The following COL5A3 variants were observed in gnomAD, a reference collection of about 807,000 sequenced individuals.
COL5A3 encodes collagen alpha-3(V) chain.
COL5A3 carries 172 observed loss-of-function variants against 250.0 expected under a neutral mutation model. The observed-to-expected ratio is 0.69, with a 90% CI of 0.61 to 0.78. The LOEUF is 0.78. Among genes scored for constraint, COL5A3 ranks in the 30% least tolerant of loss-of-function variants. COL5A3 has a pLI of 0.00. For synonymous variants in COL5A3, 937 were observed against 900.4 expected, an observed-to-expected ratio of 1.04 and a Z score of -0.73; for missense variants, 2,340 against 2,334.4, an observed-to-expected ratio of 1.00 and a Z score of -0.05.
intron 6 of COL5A3, among the ~76,000 whole-genome samples, chr19:10,003,071 A>C (rs2087387758): frequency 6.6e-6 from 1 of 152,110 alleles, no homozygotes; most frequent in Non-Finnish European, 1.5e-5. Flanking sequence ...ATTCCCCACT[A>C]TCCAGCAATC....
Position 9,997,440 on chromosome 19 carries a change from G to C in COL5A3, c.1201-7C>G. The C allele has an allele frequency of 6.3e-7, 1 of 1,595,944 alleles. No homozygotes were observed. The highest frequency in any genetic ancestry group is 8.5e-7 in the Non-Finnish European group (1 of 1,170,980). ...CTGAGGGGCCAACCACCCCCTGTTG[G>C]GGACAGAGAAACAGGAGTCACAGGA... On this transcript the variant is annotated splice_polypyrimidine_tract_variant and splice_region_variant and intron_variant, in intron 10 of 66. Coordinates refer to ENST00000264828, the MANE Select transcript of COL5A3 (RefSeq NM_015719.4).
In COL5A3 at chr19:10,001,892, G is replaced by T; in HGVS notation, c.850-11C>A. 6.3e-7 allele frequency: 1 copy of T among 1,597,732 alleles called. No individual in the cohort carries two copies. The highest frequency in any genetic ancestry group is 8.6e-7 in the Non-Finnish European group (1 of 1,165,492). ...GATGTCAGTGGAGGTCTGGAGCAGG[G>T]ATGGAGGGAGCCTTGGGTCTCGGGT... On this transcript the variant is annotated splice_polypyrimidine_tract_variant and intron_variant, in intron 6 of 66. Coordinates refer to ENST00000264828, the MANE Select transcript of COL5A3 (RefSeq NM_015719.4).
Position 9,977,174 on chromosome 19 carries a change from C to T in COL5A3, c.3288+55G>A, listed in dbSNP as rs1599542692. 31 of 1,552,146 alleles carry T rather than the reference C, an allele frequency of 2.0e-5. No individual in the cohort carries two copies. In the East Asian group the frequency reaches 6.5e-4, roughly 33 times the overall value. ...GGAGAATGATCTCTACATCCCTGGC[C>T]TCCTCTTTCTTCCGCTACCCACCCC... On this transcript the variant is annotated intron_variant, in intron 44 of 66. Coordinates refer to ENST00000264828, the MANE Select transcript of COL5A3 (RefSeq NM_015719.4).
At chr19:9,983,831 G>T (rs796331731) in intron 31 of COL5A3, among the ~76,000 whole-genome samples, 3 of 145,724 alleles carry the variant, frequency 2.1e-5, no homozygotes, top group South Asian at 2.3e-4. Context: ...AAGCTTCAAA[G>T]TTTTTTTCTC....
chr19:9,966,488 C>G (rs765731246), intron 63 of COL5A3, 48 bp downstream of exon 63: 4 of 1,556,960 alleles, frequency 2.6e-6, no homozygotes, highest in Non-Finnish European at 2.6e-6. Flanking sequence ...CCAACCCCCC[C>G]CACACCCCCA....
At chr19:9,963,564 G>GC (rs1359404535) in intron 64 of COL5A3, among the ~76,000 whole-genome samples, 1 of 126,408 alleles carries the variant, frequency 7.9e-6, no homozygotes, top group Non-Finnish European at 1.7e-5. Context: ...TTTTTTTTGG[G>GC]GGGGGGGGCG....
At chr19:10,003,735 A>T (rs772666167) in intron 5 of COL5A3, 21 bp from the exon 6 acceptor site, 2 of 1,613,552 alleles carry the variant, frequency 1.2e-6, no homozygotes, top group South Asian at 2.2e-5. Flanking sequence ...GGTTCCAGTC[A>T]GGTCTAGAGC....
chr19:10,010,314 C>T lies in COL5A3; in HGVS notation c.72G>A (p.Leu24=). The change falls in exon 1 of 67, where the codon CTG becomes CTA. Residue 24 remains leucine, a synonymous_variant. Transcript: ENST00000264828. ...LCLLLAALQL[L]PGTQADPVDV... is the part of the protein sequence containing the mutation. ...CCGGCTCACCGGCCTGCGTCCCCGG[C>T]AGAAGCTGCAGCGCGGCCAGGAGCA... 1 of 1,457,568 alleles carries T rather than the reference C, an allele frequency of 6.9e-7. No homozygotes were observed. Among genetic ancestry groups the T allele is most frequent in the Non-Finnish European group, 9.1e-7 (1 of 1,100,184 alleles). 90.3% of individuals were successfully genotyped at this position (1,457,568 alleles called of 1,614,324 possible).
At chr19:9,963,897 G>A (rs112581835) in intron 64 of COL5A3, among the ~76,000 whole-genome samples, 5,781 of 152,118 alleles carry the variant, frequency 0.038, 344 homozygotes, top group African/African-American at 0.13. Context: ...GGCCAGGCGC[G>A]GTGGCTCAAA....
intron 29 of COL5A3, 37 bp downstream of exon 29, chr19:9,986,516 C>CT (rs1568420918): frequency 6.2e-7 from 1 of 1,613,002 alleles, no homozygotes; most frequent in Admixed American, 1.7e-5. Context: ...CCCGAGCCCC[C>CT]AGACCCACAC....
intron 45 of COL5A3, among the ~76,000 whole-genome samples, chr19:9,976,144 G>C (rs1022957610): frequency 1.6e-4 from 24 of 152,012 alleles, no homozygotes; most frequent in African/African-American, 4.8e-5. Flanking sequence ...AGTTCACATT[G>C]GGTGTTGGCA....
At chr19:9,984,969 A>C (rs1032108548) in intron 31 of COL5A3, among the ~76,000 whole-genome samples, 8 of 57,938 alleles carry the variant, frequency 1.4e-4, no homozygotes, top group African/African-American at 6.6e-4. Context: ...TTTTTTTTTG[A>C]GATGGAATCT....
Position 9,968,039 on chromosome 19 carries a change from G to A in COL5A3, c.4355C>T (p.Pro1452Leu), listed in dbSNP as rs533616651. Residue 1452 changes from proline (P) to leucine (L), a missense_variant, in exon 60 of 67, where the codon CCC becomes CTC. Around this residue, in one of 3 missense-constraint regions of COL5A3, gnomAD observed 1,179 missense variants for 1,162.6 expected, o/e 1.01. Coordinates refer to ENST00000264828, the MANE Select transcript of COL5A3 (RefSeq NM_015719.4). The surrounding 1 kb of genome is among the most constrained non-coding windows in gnomAD (Gnocchi z 4.1). ...CTGCATACTCACCGCCACACCTGGGGGCCCAGGGTGGCCCAGAGAGCCAAT... is the reference window on the plus strand; with the variant it reads ...CTGCATACTCACCGCCACACCTGGGAGCCCAGGGTGGCCCAGAGAGCCAAT... ...GPIGSLGHPG[P>L]PGVAGPLGQK... 8 of 1,588,382 alleles carry A rather than the reference G, an allele frequency of 5.0e-6. No homozygotes were observed. Among genetic ancestry groups the A allele is most frequent in the African/African-American group, 4.1e-5 (3 of 73,256 alleles).
chr19:9,962,139 C>T (rs1463219622), intron 65 of COL5A3, among the ~76,000 whole-genome samples: 7 of 151,366 alleles, frequency 4.6e-5, no homozygotes, highest in African/African-American at 1.7e-4. Context: ...CGGAATCTCG[C>T]TCTGTTGCCC....
intron 29 of COL5A3, 23 bp downstream of exon 29, chr19:9,986,530 C>T (rs1314634749): frequency 6.2e-7 from 1 of 1,613,896 alleles, no homozygotes; most frequent in Admixed American, 1.7e-5. Context: ...CCCACACCAC[C>T]CCTCATCTGG....
intron 1 of COL5A3, among the ~76,000 whole-genome samples, chr19:10,007,911 A>C: frequency 2.7e-5 from 4 of 146,372 alleles, no homozygotes; most frequent in East Asian, 2.0e-4. Context: ...ATCTGTGTCC[A>C]AGTCTCTTTC....
intron 65 of COL5A3, among the ~76,000 whole-genome samples, chr19:9,962,169 C>T (rs561364391): frequency 2.0e-5 from 3 of 151,380 alleles, no homozygotes; most frequent in South Asian, 2.1e-4. Context: ...TGCAGTGGCA[C>T]GGTTTTGGCT....
Position 9,996,655 on chromosome 19 carries a change from T to G in COL5A3, c.1298A>C (p.Asp433Ala). ...PAGLPGIPGI[D>A]GIRGPPGTVI... is the part of the protein sequence containing the mutation. ...AGTGCCCGGTGGGCCTCGGATCCCA[T>G]CAATGCCGGGGATTCCTGGGAGGCC... The change falls in exon 12 of 67, where the codon GAT becomes GCT. Residue 433 changes from aspartate to alanine, a missense_variant. Coordinates refer to ENST00000264828, the MANE Select transcript of COL5A3 (RefSeq NM_015719.4). 2 of 1,609,576 alleles carry G rather than the reference T, an allele frequency of 1.2e-6. No individual in the cohort carries two copies. Among genetic ancestry groups the G allele is most frequent in the Non-Finnish European group, 1.7e-6 (2 of 1,178,864 alleles).
At chr19:9,966,503 G>T (rs751202808) in intron 63 of COL5A3, 33 bp downstream of exon 63, 5 of 1,552,348 alleles carry the variant, frequency 3.2e-6, no homozygotes, top group African/African-American at 2.7e-5. Context: ...CCCCCACTCC[G>T]CCCATCCAAG....
Sources: gnomAD v4.1 joint callset for allele counts (sites outside exome capture counted in the v4.1 genomes callset) on GRCh38, gnomAD v4.1.1 for gene constraint, gnomAD v4.1.1 regional missense constraint, Gnocchi (gnomAD v3.1) non-coding constraint, MANE v1.5 for transcripts, NCBI Gene and HGNC (gene_info 2026-07-23, HGNC 2026-07-21) for gene names.